Variants in ATP9A observed in about 807,000 individuals in gnomAD.
ATP9A encodes the protein ATPase phospholipid transporting 9A.
A neutral mutation model predicts 144.1 loss-of-function variants in ATP9A; 52 were observed. That is an observed-to-expected ratio of 0.36 (90% CI 0.29 to 0.45). The LOEUF (loss-of-function observed/expected upper bound fraction) is 0.45, where lower values mean the gene tolerates loss of function less well. ATP9A is among the 20% of genes least tolerant of loss of function. The probability of loss-of-function intolerance (pLI) is 1.00; values close to 1 mark genes in which losing one functional copy is unlikely to be tolerated. For missense variants in ATP9A, 947 were observed against 1,392.7 expected (o/e 0.68, Z 5.09); for synonymous variants, 582 against 557.4 (o/e 1.04, Z -0.62).
Position 51,604,869 on chromosome 20 carries a change from C to T in ATP9A, c.2955G>A (p.Leu985=), listed in dbSNP as rs1244685390. The T allele has an allele frequency of 6.3e-7, 1 of 1,586,358 alleles. No homozygotes were observed. Among genetic ancestry groups the T allele is most frequent in the Non-Finnish European group, 8.6e-7 (1 of 1,165,708 alleles). The part of the protein sequence containing the change: ...TWHWLMTVAE[L]LSLACYIASL... ...AGGCGATGTAGCAGGCCAGGCTGAGCAGCTCCGCCACTGTCATGAGCCAGT... is the reference window on the plus strand; with the variant it reads ...AGGCGATGTAGCAGGCCAGGCTGAGTAGCTCCGCCACTGTCATGAGCCAGT... The change falls in exon 27 of 28, where the codon CTG becomes CTA. Residue 985 remains leucine, a synonymous_variant. Coordinates refer to ENST00000338821, the MANE Select transcript of ATP9A (RefSeq NM_006045.3).
intron 14 of ATP9A, among the ~76,000 whole-genome samples, chr20:51,653,569 T>A (rs1285278728): frequency 6.6e-6 from 1 of 152,138 alleles, no homozygotes; most frequent in African/African-American, 2.4e-5. Context: ...AGAGATCACT[T>A]AAGCTCAGGA....
intron 21 of ATP9A, among the ~76,000 whole-genome samples, chr20:51,618,148 A>G (rs1328243729): frequency 2.6e-5 from 4 of 151,614 alleles, no homozygotes; most frequent in Non-Finnish European, 5.9e-5. Context: ...TGAACCCGGG[A>G]GACGGAGGTT....
intron 3 of ATP9A, among the ~76,000 whole-genome samples, chr20:51,718,687 C>T (rs1180677816): frequency 6.6e-6 from 1 of 150,430 alleles, no homozygotes; most frequent in African/African-American, 2.4e-5. Flanking sequence ...TGGTGGCCCA[C>T]ATCTGTAATC....
At chr20:51,650,989 T>A (rs950519258) in intron 14 of ATP9A, among the ~76,000 whole-genome samples, 2 of 148,166 alleles carry the variant, frequency 1.3e-5, no homozygotes, top group East Asian at 2.0e-4. Flanking sequence ...TTTTTTTAAA[T>A]TTTTTTTTTG....
intron 1 of ATP9A, among the ~76,000 whole-genome samples, chr20:51,735,640 A>G (rs931112102): frequency 1.3e-5 from 2 of 152,234 alleles, no homozygotes; most frequent in African/African-American, 2.4e-5. Flanking sequence ...ACAGGATAAA[A>G]TAAGAACTTT....
intron 1 of ATP9A, among the ~76,000 whole-genome samples, chr20:51,736,204 G>C (rs1001593513): frequency 2.6e-5 from 4 of 152,254 alleles, no homozygotes; most frequent in Non-Finnish European, 5.9e-5. Context: ...GGCTGCAGCA[G>C]AAATGCACCC....
chr20:51,633,552 C>A (rs943350245), intron 15 of ATP9A, among the ~76,000 whole-genome samples: 2 of 152,146 alleles, frequency 1.3e-5, no homozygotes, highest in Non-Finnish European at 2.9e-5. Flanking sequence ...TTGAGACCAG[C>A]CTGTGCAACA....
Position 51,599,885 on chromosome 20 carries a change from G to A in ATP9A, c.*1326C>T, listed in dbSNP as rs1430708213. The A allele has an allele frequency of 1.3e-5, 2 of 152,230 alleles. No individual in the cohort carries two copies. The highest frequency in any genetic ancestry group is 4.8e-5 in the African/African-American group (2 of 41,438). 9.4% of individuals were successfully genotyped at this position (152,230 alleles called of 1,614,324 possible). ...AACTTAACCCTTATGGCATGCATAT[G>A]TGGCTTCTGCAAGAAGCAACTTGAA... On this transcript the variant is annotated 3_prime_UTR_variant, in exon 28 of 28. Transcript: ENST00000338821.
At chr20:51,619,406 A>T (rs2077216968) in intron 19 of ATP9A, among the ~76,000 whole-genome samples, 1 of 152,014 alleles carries the variant, frequency 6.6e-6, no homozygotes, top group Non-Finnish European at 1.5e-5. Flanking sequence ...TCTACTAAAA[A>T]TAGAAAATTA....
chr20:51,629,274 G>A lies in ATP9A; in HGVS notation c.1669-202C>T, dbSNP rs536321163. 5.8e-4 allele frequency among the ~76,000 whole-genome samples: 89 copies of A among 152,284 alleles called. 2 individuals carry two copies. In the South Asian group the frequency reaches 0.017, roughly 29 times the overall value. Reference sequence around the variant, plus strand: ...AGTAAAAGGAAAACTCAAAGCACTTGGAAGATTTTCAATGATGAAAGAAAG... The same window carrying A: ...AGTAAAAGGAAAACTCAAAGCACTTAGAAGATTTTCAATGATGAAAGAAAG... On this transcript the variant is annotated intron_variant, in intron 15 of 27. Coordinates refer to ENST00000338821, the MANE Select transcript of ATP9A (RefSeq NM_006045.3).
At chr20:51,759,019 A>C (rs1229802685) in intron 1 of ATP9A, among the ~76,000 whole-genome samples, 2 of 152,198 alleles carry the variant, frequency 1.3e-5, no homozygotes, top group Non-Finnish European at 2.9e-5. Flanking sequence ...GTGGGTTTGC[A>C]ACAACACATC....
At chr20:51,650,578 A>T (rs928948097) in intron 14 of ATP9A, among the ~76,000 whole-genome samples, 3 of 152,060 alleles carry the variant, frequency 2.0e-5, no homozygotes, top group Admixed American at 6.6e-5. Context: ...ATTTTAATGA[A>T]GCGTGAGGGT....
chr20:51,705,635 AG>A (rs1174935848), intron 4 of ATP9A, among the ~76,000 whole-genome samples: 1 of 152,204 alleles, frequency 6.6e-6, no homozygotes. Context: ...CTTGATCAGA[AG>A]TTAGTCTGGG....
chr20:51,649,447 CAT>C (rs1482022223), intron 14 of ATP9A, among the ~76,000 whole-genome samples: 2 of 152,138 alleles, frequency 1.3e-5, no homozygotes, highest in Non-Finnish European at 2.9e-5. Flanking sequence ...AAGAGGGGCT[CAT>C]AGCCCAGGGC....
At chr20:51,661,800 A>G (rs888417540) in intron 13 of ATP9A, among the ~76,000 whole-genome samples, 4 of 111,224 alleles carry the variant, frequency 3.6e-5, no homozygotes, top group Non-Finnish European at 6.1e-5. Flanking sequence ...GCTCAGAGCT[A>G]CTACCTCCAA....
At chr20:51,627,561 G>A (rs375501047) in intron 17 of ATP9A, 39 bp downstream of exon 17, 22 of 1,567,032 alleles carry the variant, frequency 1.4e-5, no homozygotes, top group Non-Finnish European at 1.8e-5. Context: ...GAGGCAGGTG[G>A]GGCTGCAAAG....
intron 13 of ATP9A, among the ~76,000 whole-genome samples, chr20:51,667,966 G>C (rs2077439701): frequency 6.7e-6 from 1 of 150,372 alleles, no homozygotes; most frequent in Non-Finnish European, 1.5e-5. Flanking sequence ...CTACTTGGGA[G>C]GCTGAGATGG....
At chr20:51,704,182 T>TAAAAAAAAAAAAAAAAAAA (rs11086355) in intron 4 of ATP9A, among the ~76,000 whole-genome samples, 1 of 130,506 alleles carries the variant, frequency 7.7e-6, no homozygotes, top group Non-Finnish European at 1.6e-5. Context: ...AGTGGGAACT[T>TAAAAAAAAAAAAAAAAAAA]AAAAAAAAAA....
intron 13 of ATP9A, among the ~76,000 whole-genome samples, chr20:51,660,994 T>G (rs1192299268): frequency 6.6e-6 from 1 of 152,178 alleles, no homozygotes; most frequent in Non-Finnish European, 1.5e-5. Context: ...AGGTCAGAAG[T>G]GACTTCAGAA....
Sources: gnomAD v4.1 joint callset for allele counts (sites outside exome capture counted in the v4.1 genomes callset) on GRCh38, gnomAD v4.1.1 for gene constraint, MANE v1.5 for transcripts, NCBI Gene and HGNC (gene_info 2026-07-23, HGNC 2026-07-21) for gene names.